The following HS3ST5 variants were observed in gnomAD, a reference collection of about 807,000 sequenced individuals.
HS3ST5 encodes the protein heparan sulfate-glucosamine 3-sulfotransferase 5, also known as heparan sulfate glucosamine 3-O-sulfotransferase 5.
In HS3ST5, 10 loss-of-function variants were observed where a neutral mutation model predicts 25.4. The ratio of observed to expected loss-of-function variants is 0.39; its 90% CI spans 0.24 to 0.67. The LOEUF is 0.67. HS3ST5 is among the 30% of genes least tolerant of loss of function. The probability of loss-of-function intolerance (pLI) is 0.44; values close to 1 mark genes in which losing one functional copy is unlikely to be tolerated. For missense variants in HS3ST5, 324 were observed against 420.7 expected (o/e 0.77, Z 2.01); for synonymous variants, 170 against 162.4 (o/e 1.05, Z -0.36).
At chr6:114,129,251 C>CT (rs398048772) in intron 3 of HS3ST5, among the ~76,000 whole-genome samples, 15,999 of 97,632 alleles carry the variant, frequency 0.16, 1,608 homozygotes, top group African/African-American at 0.21. Context: ...CAACAAGAAC[C>CT]TTTTTTTTTT....
chr6:114,310,940 C>T (rs890543142), intron 1 of HS3ST5, among the ~76,000 whole-genome samples: 2 of 152,076 alleles, frequency 1.3e-5, no homozygotes, highest in Non-Finnish European at 2.9e-5. Context: ...TATAAATGTT[C>T]CAATAGGTTG....
At chr6:114,308,787 C>G (rs73544409) in intron 1 of HS3ST5, among the ~76,000 whole-genome samples, 1 of 152,048 alleles carries the variant, frequency 6.6e-6, no homozygotes, top group Non-Finnish European at 1.5e-5. Context: ...ACAAATAGAT[C>G]AGTAAGGTGA....
chr6:114,287,792 C>G (rs1440928443), intron 1 of HS3ST5, among the ~76,000 whole-genome samples: 1 of 151,958 alleles, frequency 6.6e-6, no homozygotes, highest in East Asian at 1.9e-4. Context: ...TTCCAATATC[C>G]TATTTCTGAA....
chr6:114,259,539 G>A (rs1028850547), intron 1 of HS3ST5, among the ~76,000 whole-genome samples: 1 of 152,204 alleles, frequency 6.6e-6, no homozygotes, highest in Admixed American at 6.5e-5. Context: ...TTAAGCAAAC[G>A]AGAGGACACG....
At chr6:114,237,722 A>C (rs1771924675) in intron 1 of HS3ST5, among the ~76,000 whole-genome samples, 1 of 152,222 alleles carries the variant, frequency 6.6e-6, no homozygotes. Context: ...CTTAACAGAC[A>C]CACACAGAAA....
At chr6:114,220,581 AT>A (rs1278801441) in intron 2 of HS3ST5, 1 of 152,050 alleles carries the variant, frequency 6.6e-6, no homozygotes, top group African/African-American at 2.4e-5. Flanking sequence ...TCATTGAAAA[AT>A]AATACAGTTG....
chr6:114,107,239 GA>G (rs1306002531), intron 3 of HS3ST5, among the ~76,000 whole-genome samples: 3 of 152,054 alleles, frequency 2.0e-5, no homozygotes, highest in Admixed American at 6.6e-5. Flanking sequence ...TTTTACATTT[GA>G]AAATCAAATA....
rs146550328 is a variant in HS3ST5 at position 114,216,308 on chromosome 6, T to C, written c.-145+12277A>G. Among the ~76,000 whole-genome samples the C allele has an allele frequency of 7.2e-4, 110 of 152,344 alleles. No individual in the cohort carries two copies. In the East Asian group the frequency reaches 0.014, roughly 19 times the overall value. ...TTGCAGCAGTCTCTTCTCAGCAATC[T>C]GGCAAAGCCCATTGCAACAATGCAC... On this transcript the variant is annotated intron_variant, in intron 2 of 4. Coordinates refer to ENST00000312719, the MANE Select transcript of HS3ST5 (RefSeq NM_153612.4).
intron 3 of HS3ST5, among the ~76,000 whole-genome samples, chr6:114,142,542 C>G (rs1437647182): frequency 1.3e-5 from 2 of 152,112 alleles, no homozygotes; most frequent in African/African-American, 4.8e-5. Context: ...GTGAGCCAGA[C>G]AGAATTTAAA....
At chr6:114,145,119 A>G (rs1778090662) in intron 3 of HS3ST5, among the ~76,000 whole-genome samples, 1 of 152,192 alleles carries the variant, frequency 6.6e-6, no homozygotes, top group Non-Finnish European at 1.5e-5. Flanking sequence ...ACCTGACTTC[A>G]TACCCTGTAT....
chr6:114,294,684 C>T (rs1313937380), intron 1 of HS3ST5, among the ~76,000 whole-genome samples: 1 of 152,038 alleles, frequency 6.6e-6, no homozygotes, highest in Non-Finnish European at 1.5e-5. Flanking sequence ...CTGCCCACCT[C>T]GGCCTCCCAA....
chr6:114,169,044 A>G (rs1446902734), intron 2 of HS3ST5, among the ~76,000 whole-genome samples: 1 of 152,180 alleles, frequency 6.6e-6, no homozygotes, highest in African/African-American at 2.4e-5. Context: ...GTGGGATGAA[A>G]AAAAAGAAAG....
At chr6:114,323,963 A>G (rs1582816401) in intron 1 of HS3ST5, among the ~76,000 whole-genome samples, 1 of 152,186 alleles carries the variant, frequency 6.6e-6, no homozygotes, top group East Asian at 1.9e-4. Flanking sequence ...TAACAAAGAC[A>G]TTTTGAGAAG....
chr6:114,323,092 T>C (rs1776032700), intron 1 of HS3ST5, among the ~76,000 whole-genome samples: 1 of 151,982 alleles, frequency 6.6e-6, no homozygotes. Context: ...GAGGGAGAAA[T>C]GAATCTTTAA....
intron 3 of HS3ST5, among the ~76,000 whole-genome samples, chr6:114,068,951 G>A (rs960604293): frequency 1.2e-4 from 19 of 152,056 alleles, no homozygotes; most frequent in African/African-American, 4.3e-4. Flanking sequence ...GGCCAGAAAC[G>A]ACAAATTGTA....
intron 2 of HS3ST5, among the ~76,000 whole-genome samples, chr6:114,225,251 T>C (rs2492887): frequency 1 from 151,699 of 151,918 alleles, 75,740 homozygotes; most frequent in Middle Eastern, 1. Context: ...TTCTCTACTC[T>C]AGGATAAAAG....
chr6:114,336,534 G>C (rs1033279128), intron 1 of HS3ST5, among the ~76,000 whole-genome samples: 4 of 152,232 alleles, frequency 2.6e-5, no homozygotes, highest in African/African-American at 9.6e-5. Flanking sequence ...TTGAACCCAA[G>C]AGGAGGAGGC....
At chr6:114,161,775 A>G (rs1778986213) in intron 3 of HS3ST5, among the ~76,000 whole-genome samples, 1 of 129,116 alleles carries the variant, frequency 7.7e-6, no homozygotes, top group Admixed American at 8.8e-5. Context: ...TCATAAAATC[A>G]CTTTCTCTAT....
At chr6:114,156,142 G>A (rs951112766) in intron 3 of HS3ST5, among the ~76,000 whole-genome samples, 39 of 152,034 alleles carry the variant, frequency 2.6e-4, no homozygotes, top group Middle Eastern at 3.2e-3. Flanking sequence ...CTCTGTACAC[G>A]CAAGGACAGG....
Sources: gnomAD v4.1 joint callset for allele counts (sites outside exome capture counted in the v4.1 genomes callset) on GRCh38, gnomAD v4.1.1 for gene constraint, MANE v1.5 for transcripts, NCBI Gene and HGNC (gene_info 2026-07-23, HGNC 2026-07-21) for gene names.